PEX14: variants seen among roughly 807,000 people sequenced by gnomAD.
PEX14 encodes the protein peroxisomal membrane protein PEX14.
A neutral mutation model predicts 49.5 loss-of-function variants in PEX14; 15 were observed. That is an observed-to-expected ratio of 0.30 (90% CI 0.20 to 0.47). PEX14 has a LOEUF of 0.47. Among genes scored for constraint, PEX14 ranks in the 20% least tolerant of loss-of-function variants. PEX14 has a pLI of 1.00. For synonymous variants in PEX14, 210 were observed against 212.7 expected, an observed-to-expected ratio of 0.99 and a Z score of 0.11; for missense variants, 398 against 494.8, an observed-to-expected ratio of 0.80 and a Z score of 1.86.
chr1:10,618,953 G>A (rs886257998), intron 5 of PEX14, among the ~76,000 whole-genome samples: 1 of 152,250 alleles, frequency 6.6e-6, no homozygotes, highest in Non-Finnish European at 1.5e-5. Flanking sequence ...CCCGGCACAT[G>A]GAAGTGCTTT....
At chr1:10,589,613 A>T (rs1021930260) in intron 3 of PEX14, among the ~76,000 whole-genome samples, 1 of 151,738 alleles carries the variant, frequency 6.6e-6, no homozygotes, top group Non-Finnish European at 1.5e-5. Flanking sequence ...GGGTCTCACT[A>T]TGTTGCCCAG....
intron 1 of PEX14, among the ~76,000 whole-genome samples, chr1:10,489,202 A>G (rs979935420): frequency 6.6e-6 from 1 of 151,486 alleles, no homozygotes; most frequent in African/African-American, 2.4e-5. Flanking sequence ...GCTAGTCTCG[A>G]ACTCGTGACC....
chr1:10,485,694 A>C, intron 1 of PEX14, among the ~76,000 whole-genome samples: 1 of 151,528 alleles, frequency 6.6e-6, no homozygotes, highest in South Asian at 2.1e-4. Flanking sequence ...TACTATGTAG[A>C]AATAAAATTG....
intron 1 of PEX14, among the ~76,000 whole-genome samples, chr1:10,484,172 C>T (rs570449326): frequency 7.5e-5 from 9 of 120,012 alleles, no homozygotes; most frequent in Admixed American, 5.0e-4. Flanking sequence ...GGATTACAGG[C>T]GCCCACCACC....
In PEX14 at chr1:10,494,250, G is replaced by A. The variant is rs1001182266; in HGVS notation, c.37-1024G>A. Reference sequence around the variant, plus strand: ...AATTTTTGGGAACCCTCTGCAGACCGGGCCTCTGTCCTTTTCCAAGGCGGC... The same window carrying A: ...AATTTTTGGGAACCCTCTGCAGACCAGGCCTCTGTCCTTTTCCAAGGCGGC... On this transcript the variant is annotated intron_variant, in intron 1 of 8. Coordinates refer to ENST00000356607, the MANE Select transcript of PEX14 (RefSeq NM_004565.3). The surrounding 1 kb of genome is among the most constrained non-coding windows in gnomAD (Gnocchi z 4.3). 4.6e-5 allele frequency among the ~76,000 whole-genome samples: 7 copies of A among 152,142 alleles called. No individual in the cohort carries two copies. The South Asian group carries it at 8.3e-4, about 18-fold the overall frequency.
At chr1:10,599,103 C>G (rs1232245915) in intron 3 of PEX14, 135 bp from the exon 4 acceptor site, 1 of 857,646 alleles carries the variant, frequency 1.2e-6, no homozygotes, top group Non-Finnish European at 2.0e-6. Flanking sequence ...TCCGGAGAAT[C>G]TGAAATCGGG....
In PEX14 at chr1:10,599,120, A is replaced by G. The variant is rs114125992; in HGVS notation, c.170-118A>G. 736 of 1,040,770 alleles carry G rather than the reference A, an allele frequency of 7.1e-4. 4 individuals are homozygous for G. The African/African-American group carries it at 0.01, about 15-fold the overall frequency. The allele number at this position is 1,040,770 out of a possible 1,614,324, so 64.5% of individuals were successfully genotyped here. A position where few individuals can be genotyped will look rare whatever the true frequency, so the allele number is the denominator to read the frequency against. ...CGGAGAATCTGAAATCGGGGAGGCAACTTACTAGGATGCGAGGCATTCTGT... is the reference window on the plus strand; with the variant it reads ...CGGAGAATCTGAAATCGGGGAGGCAGCTTACTAGGATGCGAGGCATTCTGT... On this transcript the variant is annotated intron_variant, in intron 3 of 8. Coordinates refer to ENST00000356607, the MANE Select transcript of PEX14 (RefSeq NM_004565.3).
chr1:10,602,823 C>T (rs560385372), intron 4 of PEX14, among the ~76,000 whole-genome samples: 7 of 152,160 alleles, frequency 4.6e-5, no homozygotes, highest in African/African-American at 9.7e-5. Context: ...TTGTCTGCGT[C>T]GGGAGGGATT....
chr1:10,540,691 A>C (rs1638976807), intron 3 of PEX14, among the ~76,000 whole-genome samples: 1 of 152,182 alleles, frequency 6.6e-6, no homozygotes, highest in African/African-American at 2.4e-5. Context: ...GTCTTAGTGA[A>C]GCCAGAAGTC....
intron 3 of PEX14, among the ~76,000 whole-genome samples, chr1:10,557,614 T>C (rs1474204927): frequency 6.6e-6 from 1 of 152,176 alleles, no homozygotes; most frequent in East Asian, 1.9e-4. Context: ...ACCTCAGAGC[T>C]GCTAATCCTA....
intron 2 of PEX14, among the ~76,000 whole-genome samples, chr1:10,510,912 A>G (rs758052292): frequency 1.3e-5 from 2 of 152,224 alleles, no homozygotes; most frequent in Non-Finnish European, 2.9e-5. Context: ...ATCAGAGGAA[A>G]CATTATAACT....
intron 2 of PEX14, among the ~76,000 whole-genome samples, chr1:10,520,893 G>T (rs1342181137): frequency 6.6e-6 from 1 of 151,810 alleles, no homozygotes; most frequent in African/African-American, 2.4e-5. Flanking sequence ...ACTTGCTAAT[G>T]ATTTCTCTTC....
chr1:10,485,182 G>GT, intron 1 of PEX14, among the ~76,000 whole-genome samples: 1 of 151,374 alleles, frequency 6.6e-6, no homozygotes, highest in East Asian at 1.9e-4. Context: ...GAAATAACCT[G>GT]TAAGTGGAAT....
chr1:10,618,424 C>T lies in PEX14; in HGVS notation c.384+7C>T. 6.2e-7 allele frequency: 1 copy of T among 1,606,574 alleles called. No homozygotes were observed. Among genetic ancestry groups the T allele is most frequent in the South Asian group, 1.1e-5 (1 of 90,920 alleles). ...CTTTCACCAGCTCTACAAGGTGAGTCACCCCCAGCGGCTGCAGGTGCTGTG... is the reference window on the plus strand; with the variant it reads ...CTTTCACCAGCTCTACAAGGTGAGTTACCCCCAGCGGCTGCAGGTGCTGTG... On this transcript the variant is annotated splice_region_variant and intron_variant, in intron 5 of 8. Coordinates refer to ENST00000356607, the MANE Select transcript of PEX14 (RefSeq NM_004565.3).
At chr1:10,545,340 A>T (rs993597889) in intron 3 of PEX14, among the ~76,000 whole-genome samples, 19 of 152,218 alleles carry the variant, frequency 1.2e-4, no homozygotes, top group African/African-American at 4.6e-4. Flanking sequence ...TTTTGGGTAC[A>T]TACTTTAGGA....
chr1:10,560,626 C>G (rs1285378191), intron 3 of PEX14, among the ~76,000 whole-genome samples: 1 of 151,080 alleles, frequency 6.6e-6, no homozygotes, highest in African/African-American at 2.4e-5. Context: ...CTGCCTCAAC[C>G]TCCCAAAGTG....
intron 4 of PEX14, among the ~76,000 whole-genome samples, chr1:10,603,533 T>C (rs1557868428): frequency 1.3e-5 from 2 of 151,860 alleles, no homozygotes; most frequent in East Asian, 3.9e-4. Flanking sequence ...TAGAAGAAAG[T>C]TGGTACAGTT....
chr1:10,535,275 G>A (rs187126586), intron 2 of PEX14, among the ~76,000 whole-genome samples: 183 of 152,354 alleles, frequency 1.2e-3, no homozygotes, highest in Non-Finnish European at 1.8e-3. Flanking sequence ...CACACTTCGC[G>A]TGTGCTGAGT....
At chr1:10,484,141 GC>G (rs965938243) in intron 1 of PEX14, among the ~76,000 whole-genome samples, 8 of 149,180 alleles carry the variant, frequency 5.4e-5, no homozygotes, top group African/African-American at 2.0e-4. Context: ...AGATTCCCCT[GC>G]CCCAGCCTTC....
Sources: allele counts gnomAD v4.1 joint callset (sites outside exome capture counted in the v4.1 genomes callset), GRCh38; gene constraint gnomAD v4.1.1; non-coding constraint Gnocchi (gnomAD v3.1); transcripts MANE v1.5; gene names NCBI Gene and HGNC (gene_info 2026-07-23, HGNC 2026-07-21).